The following FRAS1 variants were observed in gnomAD, a reference collection of about 807,000 sequenced individuals.
FRAS1 encodes Fraser extracellular matrix complex subunit 1.
FRAS1 carries 290 observed loss-of-function variants against 435.2 expected under a neutral mutation model. That is an observed-to-expected ratio of 0.67 (90% confidence interval 0.61 to 0.73). FRAS1 has a LOEUF of 0.73. Among genes scored for constraint, FRAS1 ranks in the 30% least tolerant of loss-of-function variants. The pLI is 0.00. For missense variants in FRAS1, 4,860 were observed against 5,001.5 expected, an observed-to-expected ratio of 0.97 and a Z score of 0.85; for synonymous variants, 1,800 against 1,851.0, an observed-to-expected ratio of 0.97 and a Z score of 0.71.
chr4:78,311,858 A>T (rs1211280441), intron 15 of FRAS1, among the ~76,000 whole-genome samples: 1 of 152,118 alleles, frequency 6.6e-6, no homozygotes, highest in Non-Finnish European at 1.5e-5. Context: ...CCTATTCTAT[A>T]GATTTCTTTT....
intron 20 of FRAS1, among the ~76,000 whole-genome samples, chr4:78,354,377 T>C (rs1453182739): frequency 6.6e-6 from 1 of 152,214 alleles, no homozygotes; most frequent in African/African-American, 2.4e-5. Flanking sequence ...TTTTGTAGCT[T>C]TTGTACTAAT....
chr4:78,323,603 G>A (rs1028488250), intron 18 of FRAS1, among the ~76,000 whole-genome samples: 1 of 152,138 alleles, frequency 6.6e-6, no homozygotes, highest in African/African-American at 2.4e-5. Context: ...AGGGGGAGGG[G>A]TTTCTCTGCT....
Position 78,513,383 on chromosome 4 carries a change from T to C in FRAS1, c.10014-9T>C. 2 of 1,613,092 alleles carry C rather than the reference T, an allele frequency of 1.2e-6. No individual in the cohort carries two copies. The highest frequency in any genetic ancestry group is 8.5e-7 in the Non-Finnish European group (1 of 1,179,414). On this transcript the variant is annotated splice_polypyrimidine_tract_variant and intron_variant, in intron 64 of 73. Coordinates refer to ENST00000512123, the MANE Select transcript of FRAS1 (RefSeq NM_025074.7). ...AGCTAAACATTTATTTCTGCCTTTTTCCCCCTAGAATCCACATTTCGGTGC... is the reference window on the plus strand; with the variant it reads ...AGCTAAACATTTATTTCTGCCTTTTCCCCCCTAGAATCCACATTTCGGTGC...
chr4:78,326,421 T>G (rs184210843), intron 18 of FRAS1, among the ~76,000 whole-genome samples: 4 of 152,042 alleles, frequency 2.6e-5, no homozygotes, highest in African/African-American at 9.6e-5. Context: ...AGATAGGGAA[T>G]AGAAAAGAAA....
intron 20 of FRAS1, among the ~76,000 whole-genome samples, chr4:78,359,443 T>C (rs1258716089): frequency 4.6e-5 from 7 of 152,238 alleles, no homozygotes; most frequent in Non-Finnish European, 1.0e-4. Context: ...GACAAAAGTG[T>C]TCCCTAGGTT....
chr4:78,335,473 G>A (rs760106015), intron 19 of FRAS1, among the ~76,000 whole-genome samples: 1 of 152,174 alleles, frequency 6.6e-6, no homozygotes, highest in Non-Finnish European at 1.5e-5. Context: ...AACCTAAGAA[G>A]TCTCACTGTC....
intron 6 of FRAS1, among the ~76,000 whole-genome samples, chr4:78,259,108 G>T (rs1394084027): frequency 1.2e-5 from 1 of 85,764 alleles, no homozygotes; most frequent in Non-Finnish European, 2.6e-5. Flanking sequence ...GTCTATCATT[G>T]TTGGACATTT....
intron 2 of FRAS1, among the ~76,000 whole-genome samples, chr4:78,095,695 C>A (rs572486239): frequency 2.6e-5 from 4 of 152,196 alleles, no homozygotes; most frequent in African/African-American, 9.7e-5. Context: ...GGGAAACTCC[C>A]GTTTATAAAA....
chr4:78,075,977 T>C (rs1283381218), intron 2 of FRAS1, among the ~76,000 whole-genome samples: 1 of 152,210 alleles, frequency 6.6e-6, no homozygotes, highest in Non-Finnish European at 1.5e-5. Context: ...AATTACATTC[T>C]GTAGGCAGTG....
intron 20 of FRAS1, among the ~76,000 whole-genome samples, chr4:78,358,913 A>G (rs1454861811): frequency 6.6e-6 from 1 of 152,212 alleles, no homozygotes. Context: ...TAAAAAAGGT[A>G]CTATAGTGTC....
chr4:78,447,925 C>T (rs530346361), intron 43 of FRAS1, 128 bp from the exon 44 acceptor site: 2 of 782,562 alleles, frequency 2.6e-6, no homozygotes, highest in Non-Finnish European at 4.0e-6. Flanking sequence ...GCTGTTGGCA[C>T]CAAGAGCCTC....
At chr4:78,085,785 G>C (rs200840731) in intron 2 of FRAS1, among the ~76,000 whole-genome samples, 1 of 152,120 alleles carries the variant, frequency 6.6e-6, no homozygotes. Context: ...CAAGTCCTTA[G>C]TGACATACAA....
At chr4:78,145,109 C>T (rs1720363372) in intron 2 of FRAS1, among the ~76,000 whole-genome samples, 1 of 152,148 alleles carries the variant, frequency 6.6e-6, no homozygotes, top group African/African-American at 2.4e-5. Context: ...TGAGAGTGTT[C>T]ATTTCCAATA....
At chr4:78,157,700 A>C (rs530536461) in intron 2 of FRAS1, among the ~76,000 whole-genome samples, 1 of 152,270 alleles carries the variant, frequency 6.6e-6, no homozygotes, top group South Asian at 2.1e-4. Context: ...TTACTTATAG[A>C]TTCTGAGTGT....
At chr4:78,480,042 C>T (rs1212468703) in intron 56 of FRAS1, among the ~76,000 whole-genome samples, 2 of 152,106 alleles carry the variant, frequency 1.3e-5, no homozygotes, top group African/African-American at 4.8e-5. Context: ...ATGGGGTGTT[C>T]ATCACCTCAC....
chr4:78,422,337 T>C (rs1325020134), intron 34 of FRAS1, among the ~76,000 whole-genome samples: 1 of 151,842 alleles, frequency 6.6e-6, no homozygotes, highest in Non-Finnish European at 1.5e-5. Flanking sequence ...GAGAGATAAT[T>C]TGATAAATAA....
intron 2 of FRAS1, among the ~76,000 whole-genome samples, chr4:78,122,207 A>G (rs543930738): frequency 2.4e-4 from 36 of 151,986 alleles, no homozygotes; most frequent in African/African-American, 8.2e-4. Flanking sequence ...ATTCCCACTT[A>G]TGAGTGAGAA....
At chr4:78,181,513 T>C in intron 2 of FRAS1, 2 of 1,611,596 alleles carry the variant, frequency 1.2e-6, no homozygotes, top group South Asian at 2.2e-5. Context: ...CTCGGCCCAT[T>C]CCACGTCCAC....
chr4:78,193,033 C>T (rs935407889), intron 2 of FRAS1, among the ~76,000 whole-genome samples: 1 of 152,160 alleles, frequency 6.6e-6, no homozygotes, highest in African/African-American at 2.4e-5. Context: ...GTTATGTACC[C>T]AGCAGTCATT....
Sources: gnomAD v4.1 joint callset for allele counts (sites outside exome capture counted in the v4.1 genomes callset) on GRCh38, gnomAD v4.1.1 for gene constraint, MANE v1.5 for transcripts, NCBI Gene and HGNC (gene_info 2026-07-23, HGNC 2026-07-21) for gene names.